The following PDE1A variants were observed in gnomAD, a reference collection of about 807,000 sequenced individuals.
The protein encoded by PDE1A is phosphodiesterase 1A, also known as dual specificity calcium/calmodulin-dependent 3',5'-cyclic nucleotide phosphodiesterase 1A.
PDE1A carries 35 observed loss-of-function variants against 61.7 expected under a neutral mutation model. That is an observed-to-expected ratio of 0.57 (90% CI 0.43 to 0.75). The LOEUF (loss-of-function observed/expected upper bound fraction) is 0.75. Ranked by LOEUF, PDE1A falls within the 30% of genes least tolerant of loss-of-function variation. The pLI, the probability that PDE1A is intolerant of heterozygous loss-of-function variation, is 0.00. For missense variants in PDE1A, 597 were observed against 630.6 expected, an observed-to-expected ratio of 0.95 and a Z score of 0.57; for synonymous variants, 232 against 213.2, an observed-to-expected ratio of 1.09 and a Z score of -0.77.
the PDE1A span, among the ~76,000 whole-genome samples, chr2:182,531,469 A>G: frequency 1.3e-5 from 2 of 152,036 alleles, no homozygotes; most frequent in Admixed American, 1.3e-4. Flanking sequence ...AGCAAAAATT[A>G]TTAAAAGAAA....
intron 1 of PDE1A, among the ~76,000 whole-genome samples, chr2:182,411,546 C>A (rs1702616245): frequency 6.6e-6 from 1 of 152,146 alleles, no homozygotes; most frequent in South Asian, 2.1e-4. Flanking sequence ...CCTATGTTCA[C>A]CTTTAGTAGA....
chr2:182,188,898 C>T (rs1310942558), intron 11 of PDE1A, 81 bp downstream of exon 11: 3 of 855,716 alleles, frequency 3.5e-6, no homozygotes, highest in African/African-American at 1.7e-5. Flanking sequence ...TGCAAGTTAC[C>T]CCTTTGAACA....
At chr2:182,512,829 T>G (rs1309614440) in intron 2 of PDE1A, among the ~76,000 whole-genome samples, 1 of 152,142 alleles carries the variant, frequency 6.6e-6, no homozygotes, top group African/African-American at 2.4e-5. Flanking sequence ...AATAGCAGAA[T>G]AGACCAAGCT....
At chr2:182,644,970 G>A in the PDE1A span, among the ~76,000 whole-genome samples, 5 of 149,920 alleles carry the variant, frequency 3.3e-5, no homozygotes. Flanking sequence ...CCTCAAGCAT[G>A]CCCATGTCTT....
the PDE1A span, among the ~76,000 whole-genome samples, chr2:182,550,306 G>T: frequency 6.6e-6 from 1 of 152,104 alleles, no homozygotes; most frequent in Admixed American, 6.6e-5. Flanking sequence ...AACTTAGTCT[G>T]GAATAGATTA....
At chr2:182,261,026 G>A (rs1464432756) in intron 2 of PDE1A, among the ~76,000 whole-genome samples, 6 of 152,090 alleles carry the variant, frequency 3.9e-5, no homozygotes, top group Non-Finnish European at 8.8e-5. Context: ...CTTTTATGAT[G>A]TTTAAATAAA....
chr2:182,663,205 A>G, the PDE1A span, among the ~76,000 whole-genome samples: 4 of 152,202 alleles, frequency 2.6e-5, no homozygotes, highest in Non-Finnish European at 5.9e-5. Context: ...GGTTGCAGAG[A>G]AAAAGGAACA....
chr2:182,623,151 A>G, the PDE1A span, among the ~76,000 whole-genome samples: 1 of 152,152 alleles, frequency 6.6e-6, no homozygotes, highest in Admixed American at 6.5e-5. Context: ...TGGCAAGAAG[A>G]AGGAGGAAAA....
At chr2:182,556,004 T>C in the PDE1A span, among the ~76,000 whole-genome samples, 3 of 145,322 alleles carry the variant, frequency 2.1e-5, no homozygotes, top group Non-Finnish European at 4.5e-5. Flanking sequence ...AGAGTGGCAT[T>C]CTTTTGACTT....
the PDE1A span, among the ~76,000 whole-genome samples, chr2:182,678,736 C>T: frequency 6.6e-6 from 1 of 151,920 alleles, no homozygotes; most frequent in Non-Finnish European, 1.5e-5. Context: ...TAAAAATATA[C>T]TTAATAAAAA....
At chr2:182,223,376 A>C (rs1425274705) in intron 7 of PDE1A, among the ~76,000 whole-genome samples, 5 of 152,062 alleles carry the variant, frequency 3.3e-5, no homozygotes, top group Admixed American at 3.3e-4. Context: ...ATTTGATTTA[A>C]ATAACTTCCA....
chr2:182,376,952 G>A (rs980340875), intron 1 of PDE1A, among the ~76,000 whole-genome samples: 6 of 152,276 alleles, frequency 3.9e-5, no homozygotes, highest in Admixed American at 1.3e-4. Flanking sequence ...GAATAGTATA[G>A]GGGAAACTGC....
intron 1 of PDE1A, among the ~76,000 whole-genome samples, chr2:182,267,417 TCATGCACA>T (rs1692708390): frequency 7.8e-6 from 1 of 128,738 alleles, no homozygotes; most frequent in Admixed American, 8.3e-5. Context: ...CCATATCCCC[TCATGCACA>T]CATGCACACA....
At chr2:182,702,252 T>C in the PDE1A span, among the ~76,000 whole-genome samples, 1 of 152,092 alleles carries the variant, frequency 6.6e-6, no homozygotes, top group East Asian at 1.9e-4. Context: ...TGCAGGCATG[T>C]ACCACCACAC....
the PDE1A span, among the ~76,000 whole-genome samples, chr2:182,534,928 G>T: frequency 1.3e-5 from 2 of 151,790 alleles, no homozygotes; most frequent in African/African-American, 4.8e-5. Flanking sequence ...TTTACTTAAT[G>T]CTCTAGTTTA....
At chr2:182,174,713 G>C (rs1692567301) in intron 13 of PDE1A, among the ~76,000 whole-genome samples, 1 of 151,626 alleles carries the variant, frequency 6.6e-6, no homozygotes, top group South Asian at 2.1e-4. Context: ...AAACAGAACA[G>C]GTTATCTCAT....
the PDE1A span, among the ~76,000 whole-genome samples, chr2:182,552,045 C>G: frequency 6.6e-6 from 1 of 152,108 alleles, no homozygotes; most frequent in Non-Finnish European, 1.5e-5. Flanking sequence ...ATGATCACTA[C>G]CAGCCAGCCA....
the PDE1A span, among the ~76,000 whole-genome samples, chr2:182,646,577 C>T: frequency 2.0e-5 from 3 of 150,806 alleles, no homozygotes; most frequent in Non-Finnish European, 3.0e-5. Flanking sequence ...CCCAGCTATT[C>T]GGAGGCTGAG....
the PDE1A span, among the ~76,000 whole-genome samples, chr2:182,659,469 G>A: frequency 2.0e-5 from 3 of 152,122 alleles, no homozygotes; most frequent in Non-Finnish European, 2.9e-5. Flanking sequence ...CATAAATCTT[G>A]AGGTAAATGA....
Sources: allele counts gnomAD v4.1 joint callset (sites outside exome capture counted in the v4.1 genomes callset), GRCh38; gene constraint gnomAD v4.1.1; transcripts MANE v1.5; gene names NCBI Gene and HGNC (gene_info 2026-07-23, HGNC 2026-07-21).